Variants in NTRK2 observed in about 807,000 individuals in gnomAD.
NTRK2 encodes neurotrophic receptor tyrosine kinase 2.
In NTRK2, 13 loss-of-function variants were observed where a neutral mutation model predicts 94.5. That is an observed-to-expected ratio of 0.14 (90% confidence interval 0.09 to 0.22). The LOEUF is 0.22. Ranked by LOEUF, NTRK2 falls within the 10% of genes least tolerant of loss-of-function variation. The probability of loss-of-function intolerance (pLI) is 1.00; values close to 1 mark genes in which losing one functional copy is unlikely to be tolerated. For missense variants in NTRK2, 639 were observed against 1,071.2 expected (o/e 0.60, Z 5.63); for synonymous variants, 372 against 407.4 (o/e 0.91, Z 1.05).
At chr9:84,823,014 G>C (rs62562450) in intron 12 of NTRK2, among the ~76,000 whole-genome samples, 12,234 of 152,116 alleles carry the variant, frequency 0.08, 697 homozygotes, top group Middle Eastern at 0.15. Context: ...CATCTGGGTT[G>C]AGTGCTTTCG....
intron 14 of NTRK2, among the ~76,000 whole-genome samples, chr9:84,878,948 C>A (rs137868950): frequency 6.6e-6 from 1 of 152,194 alleles, no homozygotes; most frequent in South Asian, 2.1e-4. Context: ...CTCACTGCCT[C>A]GTCTTCCCTT....
chr9:84,966,076 G>A (rs1451581245), intron 17 of NTRK2, among the ~76,000 whole-genome samples: 2 of 152,090 alleles, frequency 1.3e-5, no homozygotes, highest in East Asian at 1.9e-4. Flanking sequence ...GTTGCCTGAG[G>A]GATTCTGCTT....
chr9:84,842,109 CCT>C (rs2074220592), intron 12 of NTRK2, among the ~76,000 whole-genome samples: 1 of 152,306 alleles, frequency 6.6e-6, no homozygotes, highest in African/African-American at 2.4e-5. Context: ...CTGCTAATCC[CCT>C]GTTTTCATGT....
intron 2 of NTRK2, among the ~76,000 whole-genome samples, chr9:84,683,436 C>A (rs1187348): frequency 0.51 from 77,291 of 151,888 alleles, 20,145 homozygotes; most frequent in South Asian, 0.58. Context: ...TGAGAACATA[C>A]AGTGTTTGGT....
chr9:84,969,516 GT>G (rs1825945094), intron 17 of NTRK2, among the ~76,000 whole-genome samples: 1 of 152,324 alleles, frequency 6.6e-6, no homozygotes, highest in South Asian at 2.1e-4. Flanking sequence ...AAAGAACAGC[GT>G]TGCATTCAGC....
chr9:84,724,428 A>G, intron 8 of NTRK2, 72 bp downstream of exon 8: 2 of 1,574,688 alleles, frequency 1.3e-6, no homozygotes, highest in Non-Finnish European at 1.7e-6. Flanking sequence ...TTGCTGGGGC[A>G]CTCTGGGTGC....
intron 17 of NTRK2, among the ~76,000 whole-genome samples, chr9:85,006,814 T>A (rs1831019052): frequency 6.6e-6 from 1 of 152,180 alleles, no homozygotes; most frequent in Non-Finnish European, 1.5e-5. Context: ...AGGACATAGG[T>A]GTCCTTCTCT....
chr9:84,861,160 C>A, intron 13 of NTRK2, 73 bp downstream of exon 13: 1 of 1,151,144 alleles, frequency 8.7e-7, no homozygotes, highest in Non-Finnish European at 1.3e-6. Context: ...AATGCTTAGA[C>A]CCTCTTTACA....
intron 2 of NTRK2, among the ~76,000 whole-genome samples, chr9:84,687,719 T>C (rs1231417677): frequency 1.3e-5 from 2 of 152,224 alleles, no homozygotes; most frequent in Non-Finnish European, 2.9e-5. Context: ...ATTGACTGAC[T>C]CATGCGTTCA....
chr9:84,678,571 G>T (rs1266428052), intron 2 of NTRK2, among the ~76,000 whole-genome samples: 1 of 152,184 alleles, frequency 6.6e-6, no homozygotes, highest in African/African-American at 2.4e-5. Context: ...TCACTGTGTG[G>T]CAAGTGACCT....
At position 84,970,232 on chromosome 9, in the gene NTRK2, G is replaced by A. The variant is rs1267146950; in HGVS notation, c.2172+14715G>A. 3.3e-5 allele frequency among the ~76,000 whole-genome samples: 5 copies of A among 151,934 alleles called. No individual in the cohort carries two copies. The East Asian group carries it at 9.7e-4, about 29-fold the overall frequency. The stretch of plus-strand genomic sequence containing the variant: ...GTCAACATGGCAAAACCCCTTCTCT[G>A]CTAAAAATACAAAAACTAGCCAGGT... On this transcript the variant is annotated intron_variant, in intron 17 of 18. Coordinates refer to ENST00000277120, the MANE Select transcript of NTRK2 (RefSeq NM_006180.6).
At chr9:84,938,459 T>G (rs1336382563) in intron 15 of NTRK2, among the ~76,000 whole-genome samples, 1 of 152,174 alleles carries the variant, frequency 6.6e-6, no homozygotes, top group African/African-American at 2.4e-5. Context: ...CCTTGTTTGC[T>G]CCTCCATCTA....
At chr9:84,741,218 G>C (rs2063624370) in intron 9 of NTRK2, among the ~76,000 whole-genome samples, 1 of 152,178 alleles carries the variant, frequency 6.6e-6, no homozygotes, top group Non-Finnish European at 1.5e-5. Context: ...GGTGACTGCA[G>C]AGCCATCCTC....
intron 12 of NTRK2, among the ~76,000 whole-genome samples, chr9:84,856,310 A>T (rs1443125678): frequency 6.6e-6 from 1 of 152,134 alleles, no homozygotes; most frequent in East Asian, 1.9e-4. Flanking sequence ...TTTATTAAGG[A>T]TATGTCCTTA....
chr9:85,026,951 T>G lies in NTRK2; in HGVS notation c.*5514T>G, dbSNP rs137995618. 1.1e-4 allele frequency: 26 copies of G among 232,762 alleles called. 1 individual carries two copies. The East Asian group carries it at 1.5e-3, about 14-fold the overall frequency. 14.4% of individuals were successfully genotyped at this position (232,762 alleles called of 1,614,324 possible). A position where few individuals can be genotyped will look rare whatever the true frequency, so the allele number is the denominator to read the frequency against. ...TGTTTAAAAAAAAAAAAGTTTTGTTTGTAAATCATGTGACCAGCTTCTCTC... is the reference window on the plus strand; with the variant it reads ...TGTTTAAAAAAAAAAAAGTTTTGTTGGTAAATCATGTGACCAGCTTCTCTC... On this transcript the variant is annotated 3_prime_UTR_variant, in exon 19 of 19. Coordinates refer to ENST00000277120, the MANE Select transcript of NTRK2 (RefSeq NM_006180.6).
intron 16 of NTRK2, among the ~76,000 whole-genome samples, chr9:84,953,548 A>G (rs1823734020): frequency 6.6e-6 from 1 of 152,210 alleles, no homozygotes; most frequent in East Asian, 1.9e-4. Context: ...TACCTTGAGT[A>G]GGTGCTTTTG....
At chr9:85,010,635 T>C (rs1487876116) in intron 17 of NTRK2, among the ~76,000 whole-genome samples, 4 of 152,166 alleles carry the variant, frequency 2.6e-5, no homozygotes, top group African/African-American at 7.2e-5. Flanking sequence ...CCTATAAAGA[T>C]TAAGAGTTAC....
chr9:84,854,123 A>G (rs1004699348), intron 12 of NTRK2, among the ~76,000 whole-genome samples: 2 of 152,018 alleles, frequency 1.3e-5, no homozygotes, highest in African/African-American at 2.4e-5. Flanking sequence ...GAAACAAACA[A>G]AAAAAGGAGC....
chr9:84,806,638 T>C (rs545823047), intron 12 of NTRK2, among the ~76,000 whole-genome samples: 108 of 152,338 alleles, frequency 7.1e-4, no homozygotes, highest in African/African-American at 2.3e-3. Context: ...ATATTCACCA[T>C]GTGAGTTGAG....
Sources: allele counts gnomAD v4.1 joint callset (sites outside exome capture counted in the v4.1 genomes callset), GRCh38; gene constraint gnomAD v4.1.1; transcripts MANE v1.5; gene names NCBI Gene and HGNC (gene_info 2026-07-23, HGNC 2026-07-21).